TOP1MT: variants seen among roughly 807,000 people sequenced by gnomAD.
TOP1MT encodes the protein DNA topoisomerase I mitochondrial.
TOP1MT carries 80 observed loss-of-function variants against 73.9 expected under a neutral mutation model. That is an observed-to-expected ratio of 1.08 (90% CI 0.90 to 1.30). The LOEUF is 1.30. TOP1MT is among the 50% of genes most tolerant of loss of function. The pLI is 0.00. For synonymous variants in TOP1MT, 338 were observed against 326.4 expected, an observed-to-expected ratio of 1.04 and a Z score of -0.38; for missense variants, 815 against 808.0, an observed-to-expected ratio of 1.01 and a Z score of -0.10.
At chr8:143,328,351 T>C (rs896203202) in intron 3 of TOP1MT, 3 of 438,574 alleles carry the variant, frequency 6.8e-6, no homozygotes, top group Non-Finnish European at 1.4e-5. Flanking sequence ...CTCCGATAAA[T>C]GAGCGAGGAA....
Position 143,329,340 on chromosome 8 carries a change from G to A in TOP1MT, c.360+10C>T, listed in dbSNP as rs1816788942. 1 of 1,597,976 alleles carries A rather than the reference G, an allele frequency of 6.3e-7. No homozygotes were observed. The highest frequency in any genetic ancestry group is 8.5e-7 in the Non-Finnish European group (1 of 1,174,728). On this transcript the variant is annotated intron_variant, in intron 3 of 13. Transcript: ENST00000329245. ...CCAGGACAGCTGTGGCGGCCGCCCA[G>A]GGTACCTACCTTTCGCCAGTCATTG...
At position 143,309,707 on chromosome 8, in the gene TOP1MT, C is replaced by T. The variant is rs577513676; in HGVS notation, c.1704-164G>A. On this transcript the variant is annotated intron_variant, in intron 13 of 13. Coordinates refer to ENST00000329245, the MANE Select transcript of TOP1MT (RefSeq NM_052963.3). ...TAGGCCAACCCCACCCCACGCATGC[C>T]GCCACCCTGGAGCATCAGCGAGGTG... 3.0e-3 allele frequency: 4,538 copies of T among 1,517,362 alleles called. 15 individuals are homozygous for T. The highest frequency in any genetic ancestry group is 3.7e-3 in the Non-Finnish European group (4,217 of 1,134,596). The allele number at this position is 1,517,362 out of a possible 1,614,324, so 94.0% of individuals were successfully genotyped here.
chr8:143,318,599 C>T (rs1816241745), intron 8 of TOP1MT, among the ~76,000 whole-genome samples: 1 of 152,210 alleles, frequency 6.6e-6, no homozygotes, highest in African/African-American at 2.4e-5. Context: ...CTCAGTTTCA[C>T]CTGCTGGTCC....
intron 12 of TOP1MT, among the ~76,000 whole-genome samples, chr8:143,314,180 C>A (rs904531396): frequency 6.6e-6 from 1 of 152,160 alleles, no homozygotes; most frequent in African/African-American, 2.4e-5. Flanking sequence ...GAGTCTGGCA[C>A]CTTCTTCTCA....
upstream of TOP1MT, among the ~76,000 whole-genome samples, chr8:143,349,572 G>A (rs909395204): frequency 2.0e-5 from 3 of 151,896 alleles, no homozygotes; most frequent in African/African-American, 7.3e-5. Flanking sequence ...ACTCTGGTCT[G>A]TGTGTATGCC....
intron 7 of TOP1MT, among the ~76,000 whole-genome samples, chr8:143,322,643 C>CAA (rs1554620366): frequency 3.6e-5 from 2 of 55,002 alleles, no homozygotes; most frequent in African/African-American, 2.0e-4. Flanking sequence ...CACACACACG[C>CAA]CACACGCACA....
At chr8:143,322,158 CCA>C (rs1246260399) in intron 7 of TOP1MT, among the ~76,000 whole-genome samples, 1 of 101,932 alleles carries the variant, frequency 9.8e-6, no homozygotes, top group African/African-American at 3.7e-5. Flanking sequence ...CACACGCACG[CCA>C]CACACGCATG....
At chr8:143,321,934 A>ACACACGCACGC (rs1563758579) in intron 7 of TOP1MT, among the ~76,000 whole-genome samples, 34 of 50,090 alleles carry the variant, frequency 6.8e-4, no homozygotes, top group Non-Finnish European at 1.5e-3. Flanking sequence ...CATGCACGCC[A>ACACACGCACGC]CACACGCACG....
intron 7 of TOP1MT, among the ~76,000 whole-genome samples, chr8:143,322,008 TG>T (rs1253074719): frequency 4.0e-5 from 1 of 24,890 alleles, no homozygotes; most frequent in Admixed American, 6.6e-4. Flanking sequence ...GCCACACACA[TG>T]CACGCCACAC....
At chr8:143,351,363 A>G (rs1817317477) in intron 1 of TOP1MT, among the ~76,000 whole-genome samples, 1 of 152,166 alleles carries the variant, frequency 6.6e-6, no homozygotes, top group Admixed American at 6.5e-5. Context: ...ACCTGAGGTC[A>G]GGAGTTCAAG....
upstream of TOP1MT, chr8:143,359,366 A>G: frequency 4.1e-6 from 4 of 985,466 alleles, no homozygotes; most frequent in Non-Finnish European, 4.8e-6. Flanking sequence ...AACTCCGGGA[A>G]GAAAGGCCCT....
chr8:143,335,902 C>CTTAT (rs1350316532), upstream of TOP1MT, among the ~76,000 whole-genome samples: 2 of 152,228 alleles, frequency 1.3e-5, no homozygotes, highest in African/African-American at 4.8e-5. Flanking sequence ...ATTGCTCGCT[C>CTTAT]TTAGGGCCCA....
chr8:143,337,475 G>A (rs908165172), upstream of TOP1MT, among the ~76,000 whole-genome samples: 2 of 152,152 alleles, frequency 1.3e-5, no homozygotes, highest in African/African-American at 2.4e-5. Context: ...AATTCCAGCT[G>A]GCGTTTTTAC....
rs1242526355 is a variant in TOP1MT at position 143,317,774 on chromosome 8, T to C, written c.1279A>G (p.Thr427Ala). The C allele has an allele frequency of 6.2e-7, 1 of 1,614,086 alleles. No homozygotes were observed. Among genetic ancestry groups the C allele is most frequent in the Non-Finnish European group, 8.5e-7 (1 of 1,180,012 alleles). ...TGCAGAGTGATGGAGGCGTTGTAGG[T>C]CCGGAACACCTTGGCCGTCAGCCCG... ...MDGLTAKVFR[T>A]YNASITLQEQ... Residue 427 changes from threonine (T) to alanine (A), a missense_variant, in exon 10 of 14, where the codon ACC becomes GCC. This residue lies in a region of TOP1MT where 751 missense variants were observed against 725.4 expected (regional missense o/e 1.04). Coordinates refer to ENST00000329245, the MANE Select transcript of TOP1MT (RefSeq NM_052963.3).
chr8:143,358,751 G>C (rs1817454050), upstream of TOP1MT: 3 of 152,134 alleles, frequency 2.0e-5, no homozygotes, highest in Non-Finnish European at 4.4e-5. Context: ...CCAGGCAGCA[G>C]GGACACTGCT....
chr8:143,330,324 C>A (rs1816819293), intron 2 of TOP1MT, among the ~76,000 whole-genome samples: 1 of 152,190 alleles, frequency 6.6e-6, no homozygotes, highest in Non-Finnish European at 1.5e-5. Context: ...GGAGGTCCTG[C>A]AGGGCTGCTG....
upstream of TOP1MT, among the ~76,000 whole-genome samples, chr8:143,348,493 C>G (rs1817265603): frequency 6.6e-6 from 1 of 152,088 alleles, no homozygotes; most frequent in Non-Finnish European, 1.5e-5. The surrounding 1 kb of genome is among the most constrained non-coding windows in gnomAD (Gnocchi z 4.6). Context: ...AGCTGTGTAG[C>G]CTGTTAATCC....
upstream of TOP1MT, among the ~76,000 whole-genome samples, chr8:143,336,672 T>C (rs754441718): frequency 1.3e-5 from 2 of 152,096 alleles, no homozygotes; most frequent in Non-Finnish European, 2.9e-5. Context: ...ATCTTGTATA[T>C]AGAAAATCCC....
rs775853612 is a variant in TOP1MT, at chr8:143,329,472, C to T, written c.239-1G>A. ...GCCACGCTCAATCTCACAGGCCTTCCTGCAGGCATCGGAAGACACATCGTA... is the reference window on the plus strand; with the variant it reads ...GCCACGCTCAATCTCACAGGCCTTCTTGCAGGCATCGGAAGACACATCGTA... On this transcript the variant is annotated splice_acceptor_variant, in intron 2 of 13. Coordinates refer to ENST00000329245, the MANE Select transcript of TOP1MT (RefSeq NM_052963.3). LOFTEE classifies it high-confidence loss of function. The T allele has an allele frequency of 6.2e-7, 1 of 1,608,094 alleles. No individual in the cohort carries two copies. Among genetic ancestry groups the T allele is most frequent in the Non-Finnish European group, 8.5e-7 (1 of 1,178,424 alleles).
Sources: gnomAD v4.1 joint callset for allele counts (sites outside exome capture counted in the v4.1 genomes callset) on GRCh38, gnomAD v4.1.1 for gene constraint, gnomAD v4.1.1 regional missense constraint, Gnocchi (gnomAD v3.1) non-coding constraint, MANE v1.5 for transcripts, NCBI Gene and HGNC (gene_info 2026-07-23, HGNC 2026-07-21) for gene names.